Variants in GLDN observed in about 807,000 individuals in gnomAD.
GLDN encodes the protein gliomedin.
In GLDN, 47 loss-of-function variants were observed where a neutral mutation model predicts 56.5. The observed-to-expected ratio is 0.83, with a 90% CI of 0.66 to 1.06. GLDN has a LOEUF of 1.06. GLDN is among the 50% of genes least tolerant of loss of function. GLDN has a pLI of 0.00. For missense variants in GLDN, 782 were observed against 714.3 expected (o/e 1.09, Z -1.08); for synonymous variants, 332 against 278.8 (o/e 1.19, Z -1.90).
In GLDN at chr15:51,363,996, AT is replaced by A. The variant is rs2037353365; in HGVS notation, c.364-13448del. ...TGTGTTTCTCTCTGTGGAATGTGCC[AT>A]TTTTCCTTTGGCTGCCTTTAAGATT... On this transcript the variant is annotated intron_variant, in intron 1 of 9. Transcript: ENST00000335449. Among the ~76,000 whole-genome samples the A allele has an allele frequency of 5.3e-5, 8 of 152,064 alleles. No homozygotes were observed. The South Asian group carries it at 1.7e-3, about 32-fold the overall frequency.
chr15:51,377,228 T>C (rs2037651355), intron 1 of GLDN: 1 of 555,466 alleles, frequency 1.8e-6, no homozygotes, highest in East Asian at 2.9e-5. Context: ...ACAAATGAGG[T>C]TTGCAGCTCC....
intron 1 of GLDN, among the ~76,000 whole-genome samples, chr15:51,356,204 T>G (rs1274652848): frequency 2.4e-5 from 3 of 126,276 alleles, no homozygotes; most frequent in African/African-American, 1.2e-4. Context: ...AGACTCTGTC[T>G]CAAAAAAAAA....
At chr15:51,411,806 A>C (rs1344330056), downstream of GLDN, among the ~76,000 whole-genome samples, 1 of 152,230 alleles carries the variant, frequency 6.6e-6, no homozygotes, top group Non-Finnish European at 1.5e-5. Context: ...CAGACCATAC[A>C]AAAACAGGTA....
At chr15:51,383,694 A>T in intron 3 of GLDN, 91 bp from the exon 4 acceptor site, 2 of 1,056,304 alleles carry the variant, frequency 1.9e-6, no homozygotes, top group South Asian at 1.6e-5. Context: ...ATGCCTGCTC[A>T]GTTTCACTGG....
chr15:51,383,361 AT>A, intron 2 of GLDN, 74 bp from the exon 3 acceptor site: 1 of 1,485,334 alleles, frequency 6.7e-7, no homozygotes, highest in Non-Finnish European at 9.4e-7. Context: ...TAATTAGGAG[AT>A]TTGAAGGTCG....
downstream of GLDN, among the ~76,000 whole-genome samples, chr15:51,412,324 C>G (rs368216722): frequency 1.8e-4 from 28 of 152,288 alleles, no homozygotes; most frequent in African/African-American, 6.7e-4. Context: ...CTCCCTCTGA[C>G]CTTTCTATTG....
At chr15:51,391,231 G>A (rs73397521) in intron 4 of GLDN, among the ~76,000 whole-genome samples, 23 of 146,614 alleles carry the variant, frequency 1.6e-4, no homozygotes, top group Non-Finnish European at 5.9e-5. Context: ...TGACCCTGTG[G>A]GGGGCGCATT....
At position 51,385,940 on chromosome 15, in the gene GLDN, A is replaced by C. The variant is rs189122945; in HGVS notation, c.541+2048A>C. Reference sequence around the variant, plus strand: ...TCAGAGAAAAACGGGGAGGATGTGAAGTGGAACAGTGCTATGCCTGACATA... The same window carrying C: ...TCAGAGAAAAACGGGGAGGATGTGACGTGGAACAGTGCTATGCCTGACATA... On this transcript the variant is annotated intron_variant, in intron 4 of 9. Coordinates refer to ENST00000335449, the MANE Select transcript of GLDN (RefSeq NM_181789.4). 8.6e-4 allele frequency among the ~76,000 whole-genome samples: 131 copies of C among 152,312 alleles called. 3 individuals are homozygous for C. Among genetic ancestry groups the C allele is most frequent in the South Asian group, 8.5e-3 (41 of 4,826 alleles).
chr15:51,390,682 A>G (rs921456086), intron 4 of GLDN, among the ~76,000 whole-genome samples: 1 of 152,164 alleles, frequency 6.6e-6, no homozygotes, highest in African/African-American at 2.4e-5. Flanking sequence ...CCCTCACCCC[A>G]TGTTGTGAAG....
Position 51,401,701 on chromosome 15 carries a change from ACT to A in GLDN, c.1143_1144del (p.Tyr382LeufsTer7), listed in dbSNP as rs756948200. On this transcript the variant is annotated frameshift_variant, in exon 9 of 10. Coordinates refer to ENST00000335449, the MANE Select transcript of GLDN (RefSeq NM_181789.4). LOFTEE classifies it high-confidence loss of function. ...GGCTGTGGGCACGTTGTTTACAACAACTCTCTCTACTACCACAAAGGGGGTTC... is the reference window on the plus strand; with the variant it reads ...GGCTGTGGGCACGTTGTTTACAACAACTCTCTACTACCACAAAGGGGGTTC... 1.2e-6 allele frequency: 2 copies of A among 1,613,814 alleles called. No individual in the cohort carries two copies. The highest frequency in any genetic ancestry group is 4.5e-5 in the East Asian group (2 of 44,860).
chr15:51,348,412 C>T (rs376331482), intron 1 of GLDN, among the ~76,000 whole-genome samples: 3 of 151,794 alleles, frequency 2.0e-5, no homozygotes, highest in Admixed American at 6.6e-5. Context: ...AGCTTACTGC[C>T]GCCTTGACTA....
At chr15:51,374,000 T>C (rs370858305) in intron 1 of GLDN, among the ~76,000 whole-genome samples, 18 of 152,340 alleles carry the variant, frequency 1.2e-4, no homozygotes, top group African/African-American at 3.6e-4. Context: ...CCTTTTCATA[T>C]CATATATTTC....
chr15:51,379,204 A>G (rs1219258320), intron 2 of GLDN, among the ~76,000 whole-genome samples: 11 of 152,222 alleles, frequency 7.2e-5, no homozygotes, highest in Admixed American at 7.2e-4. Flanking sequence ...CTGCTAGTAC[A>G]GAGTTTGTCA....
rs2036886255 is a variant in GLDN, at chr15:51,341,780, G to C, written c.96G>C (p.Ala32=). Residue 32 remains alanine (A), a synonymous_variant, in exon 1 of 10, where the codon GCG becomes GCC. Coordinates refer to ENST00000335449, the MANE Select transcript of GLDN (RefSeq NM_181789.4). The part of the protein sequence containing the change: ...AVALLSALNA[A]GTVFALCQWR... ...CGCTGCTCTCGGCGCTCAACGCTGC[G>C]GGCACGGTGTTCGCGCTGTGCCAGT... is the stretch of plus-strand genomic sequence containing the variant. 1 of 1,499,270 alleles carries C rather than the reference G, an allele frequency of 6.7e-7. No homozygotes were observed. The highest frequency in any genetic ancestry group is 8.8e-7 in the Non-Finnish European group (1 of 1,133,776). The allele number at this position is 1,499,270 out of a possible 1,614,324, so 92.9% of individuals were successfully genotyped here. A position where few individuals can be genotyped will look rare whatever the true frequency, so the allele number is the denominator to read the frequency against.
At chr15:51,360,300 C>T (rs1046766754) in intron 1 of GLDN, 13 of 152,360 alleles carry the variant, frequency 8.5e-5, no homozygotes, top group Admixed American at 2.6e-4. Context: ...GCAGGCAACC[C>T]GCCTAACAGA....
chr15:51,372,199 T>C (rs537888414), intron 1 of GLDN, among the ~76,000 whole-genome samples: 1 of 152,322 alleles, frequency 6.6e-6, no homozygotes, highest in South Asian at 2.1e-4. Context: ...AATCCATGAA[T>C]GGATTAATCC....
chr15:51,390,182 G>A (rs1222254309), intron 4 of GLDN, among the ~76,000 whole-genome samples: 2 of 152,216 alleles, frequency 1.3e-5, no homozygotes, highest in African/African-American at 4.8e-5. Context: ...ACCTCATAAT[G>A]TTATTAGGAA....
intron 1 of GLDN, among the ~76,000 whole-genome samples, chr15:51,365,317 T>G (rs1447114225): frequency 6.6e-6 from 1 of 152,156 alleles, no homozygotes; most frequent in Non-Finnish European, 1.5e-5. Context: ...TTTAATCTTT[T>G]CTTTACTAAT....
At chr15:51,379,397 T>C (rs1400969689) in intron 2 of GLDN, among the ~76,000 whole-genome samples, 2 of 152,204 alleles carry the variant, frequency 1.3e-5, no homozygotes, top group African/African-American at 2.4e-5. Context: ...GTTACTGAAC[T>C]GCGTATTGGG....
Sources: gnomAD v4.1 joint callset for allele counts (sites outside exome capture counted in the v4.1 genomes callset) on GRCh38, gnomAD v4.1.1 for gene constraint, MANE v1.5 for transcripts, NCBI Gene and HGNC (gene_info 2026-07-23, HGNC 2026-07-21) for gene names.